The following BRINP1 variants were observed in gnomAD, a reference collection of about 807,000 sequenced individuals.
BRINP1 encodes BMP/retinoic acid inducible neural specific 1.
BRINP1 carries 17 observed loss-of-function variants against 72.9 expected under a neutral mutation model. That is an observed-to-expected ratio of 0.23 (90% CI 0.16 to 0.35). The LOEUF is 0.35. Ranked by LOEUF, BRINP1 falls within the 10% of genes least tolerant of loss-of-function variation. The probability of loss-of-function intolerance (pLI) is 1.00; values close to 1 mark genes in which losing one functional copy is unlikely to be tolerated. For synonymous variants in BRINP1, 418 were observed against 378.5 expected, an observed-to-expected ratio of 1.10 and a Z score of -1.21; for missense variants, 850 against 1,001.6, an observed-to-expected ratio of 0.85 and a Z score of 2.04.
chr9:119,251,434 T>C (rs1480622322), intron 2 of BRINP1, among the ~76,000 whole-genome samples: 1 of 152,090 alleles, frequency 6.6e-6, no homozygotes, highest in Non-Finnish European at 1.5e-5. Flanking sequence ...GGAATTTAGA[T>C]CAACGAAGTG....
chr9:119,295,421 C>G (rs769402976), intron 2 of BRINP1, among the ~76,000 whole-genome samples: 1 of 152,154 alleles, frequency 6.6e-6, no homozygotes, highest in African/African-American at 2.4e-5. Context: ...CACCTAGGCT[C>G]TATAGCATAG....
intron 1 of BRINP1, among the ~76,000 whole-genome samples, chr9:119,361,136 T>C (rs1831624903): frequency 2.0e-5 from 3 of 152,178 alleles, no homozygotes; most frequent in Admixed American, 2.0e-4. Context: ...AATTTATGAC[T>C]CTTCACTTTC....
intron 1 of BRINP1, among the ~76,000 whole-genome samples, chr9:119,325,670 T>C (rs899484416): frequency 6.6e-6 from 1 of 152,226 alleles, no homozygotes; most frequent in African/African-American, 2.4e-5. Flanking sequence ...GCTTCATGTC[T>C]GTCTACCACC....
intron 7 of BRINP1, among the ~76,000 whole-genome samples, chr9:119,207,395 G>A (rs72759778): frequency 0.021 from 3,271 of 152,208 alleles, 51 homozygotes; most frequent in Middle Eastern, 0.037. Flanking sequence ...AAAAGTAATG[G>A]CAAAACTTAA....
intron 7 of BRINP1, among the ~76,000 whole-genome samples, chr9:119,208,189 C>A (rs756659237): frequency 3.2e-4 from 48 of 152,156 alleles, no homozygotes; most frequent in Non-Finnish European, 5.6e-4. Context: ...CTGAAGGTGA[C>A]ACTCTCTCAG....
chr9:119,367,055 T>C (rs1032633652), intron 1 of BRINP1, among the ~76,000 whole-genome samples: 7 of 151,722 alleles, frequency 4.6e-5, no homozygotes, highest in African/African-American at 1.7e-4. Context: ...TCTGTGGCTA[T>C]GTGAAGGCTT....
intron 1 of BRINP1, among the ~76,000 whole-genome samples, chr9:119,330,530 T>C (rs558337321): frequency 9.8e-5 from 15 of 152,358 alleles, no homozygotes; most frequent in African/African-American, 3.6e-4. Context: ...TTTGGGACTT[T>C]GCTGACATTG....
chr9:119,361,460 G>A, intron 1 of BRINP1, among the ~76,000 whole-genome samples: 1 of 152,066 alleles, frequency 6.6e-6, no homozygotes, highest in East Asian at 1.9e-4. Context: ...CCACCACTCA[G>A]CCACACTGTC....
intron 7 of BRINP1, among the ~76,000 whole-genome samples, chr9:119,184,098 G>GA (rs1564211823): frequency 1.3e-5 from 2 of 152,082 alleles, no homozygotes; most frequent in East Asian, 1.9e-4. Context: ...GAGAAAAAAA[G>GA]AAAAAACCAA....
At chr9:119,263,601 C>CTTTTTTTTTTT (rs386416080) in intron 2 of BRINP1, among the ~76,000 whole-genome samples, 17 of 78,564 alleles carry the variant, frequency 2.2e-4, no homozygotes, top group African/African-American at 3.2e-4. Context: ...GTAAACAATT[C>CTTTTTTTTTTT]TTTTTTTTTT....
At chr9:119,251,790 G>A (rs1376891663) in intron 2 of BRINP1, among the ~76,000 whole-genome samples, 1 of 152,266 alleles carries the variant, frequency 6.6e-6, no homozygotes, top group East Asian at 1.9e-4. Flanking sequence ...AGCCAGCTGA[G>A]ACAAATGTTA....
chr9:119,284,553 C>G (rs1020534664), intron 2 of BRINP1, among the ~76,000 whole-genome samples: 4 of 152,022 alleles, frequency 2.6e-5, no homozygotes, highest in Admixed American at 2.6e-4. Flanking sequence ...ATTATAATGA[C>G]TCTTATCAAA....
At chr9:119,355,337 T>C (rs1831550326) in intron 1 of BRINP1, among the ~76,000 whole-genome samples, 1 of 152,202 alleles carries the variant, frequency 6.6e-6, no homozygotes, top group African/African-American at 2.4e-5. Flanking sequence ...GAGTACTTAC[T>C]ATATGTGAGG....
intron 2 of BRINP1, among the ~76,000 whole-genome samples, chr9:119,269,224 TCAC>T (rs1376525659): frequency 1.8e-4 from 28 of 152,262 alleles, no homozygotes; most frequent in Middle Eastern, 3.4e-3. Flanking sequence ...TGACCCTAAA[TCAC>T]TATTATTTTT....
At chr9:119,340,779 T>A (rs1313759963) in intron 1 of BRINP1, among the ~76,000 whole-genome samples, 1 of 152,202 alleles carries the variant, frequency 6.6e-6, no homozygotes, top group Non-Finnish European at 1.5e-5. Context: ...CCTAAAGAAC[T>A]GTCACAAGGC....
At chr9:119,270,856 T>C (rs1275286489) in intron 2 of BRINP1, among the ~76,000 whole-genome samples, 2 of 152,194 alleles carry the variant, frequency 1.3e-5, no homozygotes, top group South Asian at 2.1e-4. Flanking sequence ...ATGATATGCC[T>C]CACTATTCAC....
chr9:119,267,590 C>A (rs1830559648), intron 2 of BRINP1, among the ~76,000 whole-genome samples: 1 of 151,298 alleles, frequency 6.6e-6, no homozygotes, highest in African/African-American at 2.4e-5. Flanking sequence ...GAGCCAAGAC[C>A]ACACCATTGC....
intron 2 of BRINP1, among the ~76,000 whole-genome samples, chr9:119,274,973 T>C (rs1475225812): frequency 1.3e-5 from 2 of 152,200 alleles, no homozygotes; most frequent in Non-Finnish European, 2.9e-5. Context: ...ATGCTTATGA[T>C]AACCCTGTAG....
At chr9:119,323,952 C>T (rs1166086538) in intron 1 of BRINP1, among the ~76,000 whole-genome samples, 1 of 152,130 alleles carries the variant, frequency 6.6e-6, no homozygotes, top group Non-Finnish European at 1.5e-5. Context: ...AGGTGAACCC[C>T]CCAAATTTTC....
Sources: allele counts gnomAD v4.1 joint callset (sites outside exome capture counted in the v4.1 genomes callset), GRCh38; gene constraint gnomAD v4.1.1; transcripts MANE v1.5; gene names NCBI Gene and HGNC (gene_info 2026-07-23, HGNC 2026-07-21).